The following ERI1 variants were observed in gnomAD, a reference collection of about 807,000 sequenced individuals.
ERI1 encodes the protein exoribonuclease 1, also known as 3'-5' exoribonuclease 1.
ERI1 carries 39 observed loss-of-function variants against 39.7 expected under a neutral mutation model. The observed-to-expected ratio is 0.98, with a 90% CI of 0.76 to 1.28. ERI1 has a LOEUF of 1.28. Ranked by LOEUF, ERI1 falls within the 50% of genes most tolerant of loss-of-function variation. ERI1 has a pLI of 0.00. For synonymous variants in ERI1, 204 were observed against 149.6 expected, an observed-to-expected ratio of 1.36 and a Z score of -2.65; for missense variants, 581 against 416.9, an observed-to-expected ratio of 1.39 and a Z score of -3.43.
At chr8:9,013,234 C>G (rs1223500934) in intron 3 of ERI1, among the ~76,000 whole-genome samples, 1 of 150,816 alleles carries the variant, frequency 6.6e-6, no homozygotes, top group Non-Finnish European at 1.5e-5. Flanking sequence ...AGGCTGGTTT[C>G]AAACTCCTGA....
At chr8:9,057,909 C>G (rs866632266) in intron 3 of ERI1, among the ~76,000 whole-genome samples, 1 of 151,920 alleles carries the variant, frequency 6.6e-6, no homozygotes, top group African/African-American at 2.4e-5. Context: ...CCAGGAAGGC[C>G]GAAACGGGGC....
In ERI1 at chr8:9,030,529, T is replaced by G. The variant is rs565344197; in HGVS notation, c.*495T>G. ...CAAAGTTTATATGTGAAGTTCACCA[T>G]GTATGTGGTGAATTTCGTAAGGTAC... is the stretch of plus-strand genomic sequence containing the variant. On this transcript the variant is annotated 3_prime_UTR_variant, in exon 7 of 7. Coordinates refer to ENST00000250263, the MANE Select transcript of ERI1 (RefSeq NM_153332.4). The G allele has an allele frequency of 2.5e-5, 4 of 158,076 alleles. No homozygotes were observed. Among genetic ancestry groups the G allele is most frequent in the African/African-American group, 7.3e-5 (3 of 41,022 alleles). 9.8% of individuals were successfully genotyped at this position (158,076 alleles called of 1,614,324 possible). A position where few individuals can be genotyped will look rare whatever the true frequency, so the allele number is the denominator to read the frequency against.
intron 3 of ERI1, among the ~76,000 whole-genome samples, chr8:9,045,517 C>G (rs1303880984): frequency 6.6e-6 from 1 of 151,976 alleles, no homozygotes; most frequent in East Asian, 1.9e-4. Flanking sequence ...TGTATTGACC[C>G]TGGGCATGGT....
At chr8:9,077,963 T>A (rs1799259067) in intron 3 of ERI1, among the ~76,000 whole-genome samples, 1 of 152,188 alleles carries the variant, frequency 6.6e-6, no homozygotes, top group South Asian at 2.1e-4. Context: ...ATGGTCTTGG[T>A]GACACTGATC....
chr8:9,040,410 G>A (rs1231579731), intron 3 of ERI1, among the ~76,000 whole-genome samples: 1 of 152,214 alleles, frequency 6.6e-6, no homozygotes, highest in East Asian at 1.9e-4. Context: ...TGTTCTCTGT[G>A]TTCGCTAACG....
chr8:9,003,994 C>T (rs574758442), intron 1 of ERI1: 2 of 961,698 alleles, frequency 2.1e-6, no homozygotes, highest in African/African-American at 1.7e-5. Context: ...TGAGTCACTT[C>T]CATTTGCTGC....
chr8:9,063,800 T>A (rs1798780763), intron 3 of ERI1, among the ~76,000 whole-genome samples: 1 of 152,116 alleles, frequency 6.6e-6, no homozygotes, highest in African/African-American at 2.4e-5. Flanking sequence ...ACTGTAGAGT[T>A]TATACTGGGG....
chr8:9,034,191 C>G (rs190949309), downstream of ERI1, among the ~76,000 whole-genome samples: 4 of 152,276 alleles, frequency 2.6e-5, no homozygotes, highest in South Asian at 4.1e-4. Flanking sequence ...GGCGGATGCC[C>G]GAGGCTTTAA....
chr8:9,016,313 C>G lies in ERI1; in HGVS notation c.499-9C>G. Reference sequence around the variant, plus strand: ...TAAATTACTTTAACTTGCTATCCTTCCCTTGCAGGAAGACACGTTTCAGCA... The same window carrying G: ...TAAATTACTTTAACTTGCTATCCTTGCCTTGCAGGAAGACACGTTTCAGCA... On this transcript the variant is annotated splice_polypyrimidine_tract_variant and intron_variant, in intron 3 of 6. Coordinates refer to ENST00000250263, the MANE Select transcript of ERI1 (RefSeq NM_153332.4). 6.3e-7 allele frequency: 1 copy of G among 1,575,480 alleles called. No individual in the cohort carries two copies. Among genetic ancestry groups the G allele is most frequent in the Non-Finnish European group, 8.6e-7 (1 of 1,156,420 alleles).
chr8:9,034,551 G>T (rs1797778898), downstream of ERI1, among the ~76,000 whole-genome samples: 1 of 152,042 alleles, frequency 6.6e-6, no homozygotes, highest in Admixed American at 6.6e-5. Flanking sequence ...TACTATCATG[G>T]TGGTTTTGGG....
chr8:9,005,661 C>T (rs1402327770), intron 1 of ERI1, among the ~76,000 whole-genome samples: 1 of 150,542 alleles, frequency 6.6e-6, no homozygotes, highest in African/African-American at 2.5e-5. Context: ...ACTACAGGCG[C>T]CCGCCCGGCT....
intron 3 of ERI1, among the ~76,000 whole-genome samples, chr8:9,012,522 T>C (rs1816774998): frequency 6.6e-6 from 1 of 152,240 alleles, no homozygotes; most frequent in Non-Finnish European, 1.5e-5. Context: ...TTAGTGCTAT[T>C]CAAAATCTCT....
At chr8:9,038,532 G>C (rs1366062426) in intron 3 of ERI1, among the ~76,000 whole-genome samples, 1 of 152,206 alleles carries the variant, frequency 6.6e-6, no homozygotes, top group Non-Finnish European at 1.5e-5. Flanking sequence ...GGCTGAGGTG[G>C]GTGGATTGCT....
intron 1 of ERI1, chr8:9,004,205 T>G: frequency 7.8e-7 from 1 of 1,283,868 alleles, no homozygotes; most frequent in Non-Finnish European, 1.0e-6. Context: ...GGTTGTTATT[T>G]CAAAGAGTAC....
chr8:9,043,414 A>G (rs1290355396), intron 3 of ERI1, among the ~76,000 whole-genome samples: 1 of 152,048 alleles, frequency 6.6e-6, no homozygotes, highest in Non-Finnish European at 1.5e-5. Context: ...TACATTCTTC[A>G]CCCAAGCATG....
At chr8:9,019,592 G>A (rs1007022265) in intron 5 of ERI1, among the ~76,000 whole-genome samples, 1 of 152,084 alleles carries the variant, frequency 6.6e-6, no homozygotes. Context: ...TAATAATTTG[G>A]CAGCCCAGGC....
Position 9,046,075 on chromosome 8 carries a change from A to G in ERI1, n.299+25611A>G, listed in dbSNP as rs185810470. Among the ~76,000 whole-genome samples the G allele has an allele frequency of 5.9e-3, 893 of 152,354 alleles. 5 individuals are homozygous for G. The highest frequency in any genetic ancestry group is 0.044 in the Middle Eastern group (13 of 294). On this transcript the variant is annotated intron_variant and non_coding_transcript_variant, in intron 3 of 3. Coordinates refer to the ERI1 transcript ENST00000518663. Reference sequence around the variant, plus strand: ...TGTGTTAAAGAAAATTCATTTAAAAATTAAATTAAGAAAACAAATTCCCAC... The same window carrying G: ...TGTGTTAAAGAAAATTCATTTAAAAGTTAAATTAAGAAAACAAATTCCCAC...
At chr8:9,057,678 TC>T (rs1798552756) in intron 3 of ERI1, among the ~76,000 whole-genome samples, 1 of 147,756 alleles carries the variant, frequency 6.8e-6, no homozygotes, top group African/African-American at 2.4e-5. Context: ...AAAGTAAACA[TC>T]CTTAAGTCTG....
chr8:9,035,711 T>A (rs957136234), downstream of ERI1, among the ~76,000 whole-genome samples: 1 of 152,200 alleles, frequency 6.6e-6, no homozygotes, highest in Non-Finnish European at 1.5e-5. Flanking sequence ...AAGTAGTAGT[T>A]CTGGCTTTCA....
Sources: allele counts gnomAD v4.1 joint callset (sites outside exome capture counted in the v4.1 genomes callset), GRCh38; gene constraint gnomAD v4.1.1; transcripts MANE v1.5; gene names NCBI Gene and HGNC (gene_info 2026-07-23, HGNC 2026-07-21).